Variants in PRDM10 observed in about 807,000 individuals in gnomAD.
PRDM10 encodes the protein PR domain zinc finger protein 10.
Under a neutral mutation model 133.1 loss-of-function variants are expected in PRDM10, and 65 were observed. That is an observed-to-expected ratio of 0.49 (90% CI 0.40 to 0.60). The LOEUF is 0.60. PRDM10 is among the 20% of genes least tolerant of loss of function. The probability of loss-of-function intolerance (pLI) is 0.00; values close to 1 mark genes in which losing one functional copy is unlikely to be tolerated. For synonymous variants in PRDM10, 582 were observed against 580.4 expected (o/e 1.00, Z -0.04); for missense variants, 1,137 against 1,507.1 (o/e 0.75, Z 4.07).
chr11:129,922,016 C>T (rs1393242186), intron 13 of PRDM10, among the ~76,000 whole-genome samples: 1 of 152,178 alleles, frequency 6.6e-6, no homozygotes. Context: ...CAGACCAGTA[C>T]TTCTGTGGGC....
intron 1 of PRDM10, among the ~76,000 whole-genome samples, chr11:129,973,842 C>G (rs1452154591): frequency 7.2e-5 from 11 of 152,156 alleles, no homozygotes; most frequent in Non-Finnish European, 1.5e-4. Context: ...AGACTTGTAT[C>G]CAGAAGACTT....
At chr11:129,909,826 A>G (rs1175231753) in intron 19 of PRDM10, among the ~76,000 whole-genome samples, 2 of 152,152 alleles carry the variant, frequency 1.3e-5, no homozygotes, top group South Asian at 2.1e-4. Flanking sequence ...CGACTCTTCT[A>G]TCTCCCTCCT....
At chr11:129,963,589 T>C (rs572819482) in intron 1 of PRDM10, among the ~76,000 whole-genome samples, 43 of 152,290 alleles carry the variant, frequency 2.8e-4, no homozygotes, top group African/African-American at 8.7e-4. Context: ...CATGTTAACA[T>C]TGTACCATGT....
intron 1 of PRDM10, among the ~76,000 whole-genome samples, chr11:129,962,047 T>C (rs2135926708): frequency 6.6e-6 from 1 of 152,266 alleles, no homozygotes; most frequent in South Asian, 2.1e-4. Flanking sequence ...GGGAGCTACA[T>C]TTTCTGCGTA....
In PRDM10 at chr11:129,905,629, G is replaced by C; in HGVS notation, c.3267+9C>G. The C allele has an allele frequency of 6.2e-7, 1 of 1,610,150 alleles. No individual in the cohort carries two copies. Among genetic ancestry groups the C allele is most frequent in the South Asian group, 1.1e-5 (1 of 91,012 alleles). On this transcript the variant is annotated intron_variant, in intron 20 of 20. Transcript: ENST00000360871. ...GACAGGAAAAACCCGACCGAGTAGC[G>C]TAGCTTACCGAAGTAACCGCCTTCA...
At chr11:129,986,655 C>T (rs532556518) in intron 1 of PRDM10, among the ~76,000 whole-genome samples, 12 of 152,302 alleles carry the variant, frequency 7.9e-5, no homozygotes, top group East Asian at 3.9e-4. Flanking sequence ...TCCCAAAGTG[C>T]GTGAGCCACT....
At chr11:129,931,434 CACCACT>C (rs1950853860) in intron 10 of PRDM10, among the ~76,000 whole-genome samples, 176 bp from the exon 11 acceptor site, 1 of 152,174 alleles carries the variant, frequency 6.6e-6, no homozygotes, top group African/African-American at 2.4e-5. Context: ...AGAGGTTCCA[CACCACT>C]TAACAAGGAA....
rs373760203 is a variant in PRDM10 at position 129,918,743 on chromosome 11, C to T, written c.2035-25G>A. 2.9e-5 allele frequency: 46 copies of T among 1,586,458 alleles called. No individual in the cohort carries two copies. The highest frequency in any genetic ancestry group is 1.5e-4 in the African/African-American group (11 of 73,808). ...GCTATTTGGAGAGTATTTTTGAAAA[C>T]GGGGTAGACACGGGGGTAGAAAATT... On this transcript the variant is annotated intron_variant, in intron 13 of 20. Coordinates refer to ENST00000360871, the MANE Select transcript of PRDM10 (RefSeq NM_199437.2). The surrounding 1 kb of genome is among the most constrained non-coding windows in gnomAD (Gnocchi z 5.3).
At chr11:129,929,790 T>C (rs1950796185) in intron 11 of PRDM10, among the ~76,000 whole-genome samples, 1 of 150,494 alleles carries the variant, frequency 6.6e-6, no homozygotes, top group African/African-American at 2.4e-5. Context: ...AGGGTTTCTC[T>C]GGACTTAGTA....
intron 1 of PRDM10, among the ~76,000 whole-genome samples, chr11:129,976,464 A>T (rs1268447422): frequency 6.6e-6 from 1 of 152,230 alleles, no homozygotes; most frequent in Non-Finnish European, 1.5e-5. Flanking sequence ...AGCAGCTAAC[A>T]TTCATCAGTT....
At chr11:129,957,608 C>T (rs532248350) in intron 3 of PRDM10, 138 bp downstream of exon 3, 18 of 1,062,668 alleles carry the variant, frequency 1.7e-5, no homozygotes, top group African/African-American at 3.2e-5. Context: ...TGAGCCACCG[C>T]GCCTGGCTGA....
intron 1 of PRDM10, among the ~76,000 whole-genome samples, chr11:129,990,291 A>C (rs943880959): frequency 2.0e-5 from 3 of 152,000 alleles, no homozygotes; most frequent in Non-Finnish European, 4.4e-5. Flanking sequence ...GCTTGCAGTG[A>C]GCTGAGATCG....
chr11:129,905,850 G>A (rs780715770), intron 19 of PRDM10, 109 bp from the exon 20 acceptor site: 1 of 893,218 alleles, frequency 1.1e-6, no homozygotes, highest in African/African-American at 1.7e-5. Flanking sequence ...CTTGCCATGA[G>A]AGTCTCACAA....
At chr11:129,954,482 C>A (rs1444654595) in intron 4 of PRDM10, among the ~76,000 whole-genome samples, 1 of 151,952 alleles carries the variant, frequency 6.6e-6, no homozygotes, top group Non-Finnish European at 1.5e-5. Flanking sequence ...CCAGGCTGGT[C>A]TCGAACTCCT....
At chr11:129,960,768 G>T in intron 2 of PRDM10, 128 bp downstream of exon 2, 1 of 906,394 alleles carries the variant, frequency 1.1e-6, no homozygotes, top group Non-Finnish European at 1.7e-6. Flanking sequence ...TATTCCTTGT[G>T]TACGAGTTCT....
chr11:129,924,390 T>A (rs1313240721), intron 12 of PRDM10, among the ~76,000 whole-genome samples: 1 of 152,224 alleles, frequency 6.6e-6, no homozygotes, highest in Non-Finnish European at 1.5e-5. Context: ...CCCATTTTGC[T>A]CCAACAAAGA....
intron 1 of PRDM10, among the ~76,000 whole-genome samples, chr11:129,984,858 T>C (rs571873347): frequency 2.6e-5 from 4 of 152,330 alleles, no homozygotes; most frequent in African/African-American, 4.8e-5. Context: ...TCTGCGAGGA[T>C]GCTTTCTCCG....
chr11:129,913,205 T>G (rs1950245257), intron 17 of PRDM10, among the ~76,000 whole-genome samples: 3 of 122,154 alleles, frequency 2.5e-5, no homozygotes, highest in Non-Finnish European at 4.8e-5. Context: ...GTGACAATAG[T>G]GAGACCCTGT....
At chr11:129,909,468 T>C (rs1950118098) in intron 19 of PRDM10, among the ~76,000 whole-genome samples, 1 of 151,350 alleles carries the variant, frequency 6.6e-6, no homozygotes, top group Non-Finnish European at 1.5e-5. Context: ...AAAAAGAATA[T>C]TGATTGTAAA....
Sources: allele counts gnomAD v4.1 joint callset (sites outside exome capture counted in the v4.1 genomes callset), GRCh38; gene constraint gnomAD v4.1.1; non-coding constraint Gnocchi (gnomAD v3.1); transcripts MANE v1.5; gene names NCBI Gene and HGNC (gene_info 2026-07-23, HGNC 2026-07-21).